The following RUNX2 variants were observed in gnomAD, a reference collection of about 807,000 sequenced individuals.
RUNX2 encodes runt-related transcription factor 2.
RUNX2 carries 10 observed loss-of-function variants against 51.7 expected under a neutral mutation model. That is an observed-to-expected ratio of 0.19 (90% CI 0.12 to 0.33). The LOEUF (loss-of-function observed/expected upper bound fraction) is 0.33. RUNX2 is among the 10% of genes least tolerant of loss of function. The pLI, the probability that RUNX2 is intolerant of heterozygous loss-of-function variation, is 1.00. For missense variants in RUNX2, 562 were observed against 691.3 expected (o/e 0.81, Z 2.10); for synonymous variants, 276 against 273.6 (o/e 1.01, Z -0.09).
At chr6:45,374,393 C>A (rs746189349) in intron 2 of RUNX2, among the ~76,000 whole-genome samples, 2 of 152,164 alleles carry the variant, frequency 1.3e-5, no homozygotes, top group Admixed American at 6.5e-5. Flanking sequence ...ATGCCATTAC[C>A]ATCTTCATTT....
chr6:45,504,630 T>C (rs554018349), intron 6 of RUNX2, among the ~76,000 whole-genome samples: 2 of 151,184 alleles, frequency 1.3e-5, no homozygotes, highest in East Asian at 3.9e-4. Context: ...TGTAGATTGT[T>C]TTGAAATGGG....
At chr6:45,514,949 T>TG (rs1162606948) in intron 7 of RUNX2, among the ~76,000 whole-genome samples, 26 of 152,088 alleles carry the variant, frequency 1.7e-4, no homozygotes, top group Admixed American at 2.6e-4. Flanking sequence ...TTTTTTTTTT[T>TG]TTGTTTGTGT....
rs572730234 is a variant in RUNX2 at position 45,446,797 on chromosome 6, G to T, written c.685+8746G>T. 2.0e-5 allele frequency among the ~76,000 whole-genome samples: 3 copies of T among 152,182 alleles called. No homozygotes were observed. In the East Asian group the frequency reaches 5.8e-4, roughly 29 times the overall value. ...ATCTCTAAAGTTTTTATTTAAGCAGGTATAAAAAATAATTAATTGCTCTTG... is the reference window on the plus strand; with the variant it reads ...ATCTCTAAAGTTTTTATTTAAGCAGTTATAAAAAATAATTAATTGCTCTTG... On this transcript the variant is annotated intron_variant, in intron 5 of 8. Transcript: ENST00000647337.
At chr6:45,546,618 G>T (rs558124072) in intron 8 of RUNX2, among the ~76,000 whole-genome samples, 2 of 152,130 alleles carry the variant, frequency 1.3e-5, no homozygotes, top group Non-Finnish European at 2.9e-5. Flanking sequence ...ATTCTCTGGG[G>T]GTGAAGAACT....
At chr6:45,364,960 C>T (rs72862904) in intron 2 of RUNX2, among the ~76,000 whole-genome samples, 122 of 152,254 alleles carry the variant, frequency 8.0e-4, no homozygotes, top group Middle Eastern at 6.8e-3. Context: ...CCTGATTATT[C>T]ATTCTATCAT....
chr6:45,550,232 A>G lies in RUNX2; in HGVS notation c.*2927A>G, dbSNP rs1271091407. The G allele has an allele frequency of 6.6e-6, 1 of 152,576 alleles. No homozygotes were observed. Among genetic ancestry groups the G allele is most frequent in the Non-Finnish European group, 1.5e-5 (1 of 68,030 alleles). 9.5% of individuals were successfully genotyped at this position (152,576 alleles called of 1,614,324 possible). ...TGTCTCACAAATTTTAACCCATATC[A>G]GAGTTCCAGAACAGGTACCACAGCT... On this transcript the variant is annotated 3_prime_UTR_variant, in exon 9 of 9. Transcript: ENST00000647337.
At chr6:45,432,081 G>A (rs1378339646) in intron 4 of RUNX2, 62 bp downstream of exon 4, 1 of 1,483,214 alleles carries the variant, frequency 6.7e-7, no homozygotes, top group Non-Finnish European at 9.3e-7. Flanking sequence ...TTGATGAAAT[G>A]TAGACTAGTC....
intron 2 of RUNX2, among the ~76,000 whole-genome samples, chr6:45,395,810 A>C (rs1433864897): frequency 6.6e-6 from 1 of 152,112 alleles, no homozygotes; most frequent in Non-Finnish European, 1.5e-5. Context: ...GATTACAGGC[A>C]TGTGACACGA....
chr6:45,492,279 A>AG (rs1430944591), intron 6 of RUNX2, among the ~76,000 whole-genome samples, 165 bp downstream of exon 6: 1 of 152,188 alleles, frequency 6.6e-6, no homozygotes, highest in African/African-American at 2.4e-5. Flanking sequence ...ATTAAAAAAA[A>AG]TAACATTCAA....
At chr6:45,495,244 C>T (rs751396993) in intron 6 of RUNX2, among the ~76,000 whole-genome samples, 1 of 152,172 alleles carries the variant, frequency 6.6e-6, no homozygotes, top group Non-Finnish European at 1.5e-5. Flanking sequence ...GTGACTAGCC[C>T]AGTGGCAGTG....
Position 45,468,234 on chromosome 6 carries a change from T to C in RUNX2, c.686-23707T>C, listed in dbSNP as rs114576973. Among the ~76,000 whole-genome samples, 961 of 152,372 alleles carry C rather than the reference T, an allele frequency of 6.3e-3. 8 individuals carry two copies. The highest frequency in any genetic ancestry group is 0.022 in the African/African-American group (899 of 41,586). The stretch of plus-strand genomic sequence containing the variant: ...AATAATCTCTCTTTACTATCCTCAA[T>C]GAAATCTGTAGATTTTCTAAATATA... On this transcript the variant is annotated intron_variant, in intron 5 of 8. Transcript: ENST00000647337.
At chr6:45,412,554 G>GGAAACA (rs1360905831) in intron 2 of RUNX2, among the ~76,000 whole-genome samples, 7 of 151,970 alleles carry the variant, frequency 4.6e-5, no homozygotes, top group African/African-American at 1.7e-4. Flanking sequence ...GTTTCACTTA[G>GGAAACA]GAAACAGAAA....
chr6:45,485,285 C>T (rs1044818019), intron 5 of RUNX2, among the ~76,000 whole-genome samples: 2 of 151,532 alleles, frequency 1.3e-5, no homozygotes, highest in African/African-American at 4.8e-5. Context: ...TCACCGCAAC[C>T]TCTGCCTCCT....
At chr6:45,485,695 G>GTATATATATA (rs1389655363) in intron 5 of RUNX2, among the ~76,000 whole-genome samples, 16 of 107,088 alleles carry the variant, frequency 1.5e-4, no homozygotes, top group African/African-American at 2.8e-4. Context: ...GTGTGTGTGT[G>GTATATATATA]TGTATATATA....
chr6:45,434,291 C>T (rs996246124), intron 4 of RUNX2, among the ~76,000 whole-genome samples: 7 of 152,144 alleles, frequency 4.6e-5, no homozygotes, highest in Admixed American at 1.3e-4. Flanking sequence ...ACAGACTCTT[C>T]CAGCTTCCTC....
At chr6:45,330,315 T>C (rs1056528445) in intron 2 of RUNX2, among the ~76,000 whole-genome samples, 6 of 151,886 alleles carry the variant, frequency 4.0e-5, no homozygotes, top group African/African-American at 1.4e-4. Flanking sequence ...ATAGCATAAT[T>C]ACAGCTTATA....
chr6:45,369,595 C>A (rs1473558555), intron 2 of RUNX2, among the ~76,000 whole-genome samples: 1 of 152,040 alleles, frequency 6.6e-6, no homozygotes, highest in Non-Finnish European at 1.5e-5. Context: ...TCGTATCCTC[C>A]CTTAATTCCC....
chr6:45,368,551 C>A (rs1467958601), intron 2 of RUNX2, among the ~76,000 whole-genome samples: 1 of 151,950 alleles, frequency 6.6e-6, no homozygotes, highest in African/African-American at 2.4e-5. Flanking sequence ...ACTAAATGAC[C>A]ACAGAAGAAA....
chr6:45,381,451 G>A (rs138357019), intron 2 of RUNX2, among the ~76,000 whole-genome samples: 1 of 151,952 alleles, frequency 6.6e-6, no homozygotes, highest in Non-Finnish European at 1.5e-5. Context: ...TTTGAGACAG[G>A]GTTTCCCTCT....
Sources: allele counts gnomAD v4.1 joint callset (sites outside exome capture counted in the v4.1 genomes callset), GRCh38; gene constraint gnomAD v4.1.1; transcripts MANE v1.5; gene names NCBI Gene and HGNC (gene_info 2026-07-23, HGNC 2026-07-21).